GRM7: variants seen among roughly 807,000 people sequenced by gnomAD.
The protein encoded by GRM7 is glutamate metabotropic receptor 7.
GRM7 carries 35 observed loss-of-function variants against 84.5 expected under a neutral mutation model. The observed-to-expected ratio is 0.41, with a 90% confidence interval of 0.32 to 0.55. GRM7 has a LOEUF of 0.55. Ranked by LOEUF, GRM7 falls within the 20% of genes least tolerant of loss-of-function variation. GRM7 has a pLI of 0.19. For synonymous variants in GRM7, 487 were observed against 455.1 expected, an observed-to-expected ratio of 1.07 and a Z score of -0.89; for missense variants, 1,003 against 1,194.6, an observed-to-expected ratio of 0.84 and a Z score of 2.36.
At chr3:6,909,630 G>A (rs563257204) in intron 1 of GRM7, among the ~76,000 whole-genome samples, 5 of 152,086 alleles carry the variant, frequency 3.3e-5, no homozygotes, top group Non-Finnish European at 7.4e-5. Context: ...ATATAAAAAA[G>A]AAATGATTTA....
chr3:7,362,992 C>T (rs1369894321), intron 4 of GRM7, among the ~76,000 whole-genome samples: 2 of 152,122 alleles, frequency 1.3e-5, no homozygotes, highest in South Asian at 4.1e-4. Flanking sequence ...CATGGTGGTA[C>T]ATGCCTGTAG....
intron 9 of GRM7, among the ~76,000 whole-genome samples, chr3:7,710,282 T>C (rs1559500465): frequency 6.6e-6 from 1 of 152,202 alleles, no homozygotes; most frequent in African/African-American, 2.4e-5. Context: ...GCAAAAGATC[T>C]GAAGCTATTT....
intron 1 of GRM7, among the ~76,000 whole-genome samples, chr3:6,952,034 AT>A (rs1376778630): frequency 1.3e-5 from 2 of 151,866 alleles, no homozygotes; most frequent in African/African-American, 2.4e-5. Flanking sequence ...ACTGGTGATT[AT>A]TGATATTGTA....
chr3:7,630,849 T>C (rs536846801), intron 8 of GRM7, among the ~76,000 whole-genome samples: 1 of 152,232 alleles, frequency 6.6e-6, no homozygotes, highest in African/African-American at 2.4e-5. Flanking sequence ...GGATGTTACA[T>C]AGTTTAAATT....
intron 4 of GRM7, among the ~76,000 whole-genome samples, chr3:7,362,064 A>G (rs1189782051): frequency 3.3e-5 from 5 of 152,126 alleles, no homozygotes; most frequent in South Asian, 4.1e-4. Context: ...CAGCCTTGTC[A>G]GTACTATTGT....
At chr3:6,872,970 A>G (rs572765169) in intron 1 of GRM7, among the ~76,000 whole-genome samples, 7 of 152,304 alleles carry the variant, frequency 4.6e-5, no homozygotes, top group Non-Finnish European at 4.4e-5. Flanking sequence ...TCCTCTGGGT[A>G]TATACCCAGT....
chr3:7,381,700 T>A lies in GRM7; in HGVS notation c.1034-33323T>A, dbSNP rs1174804602. Among the ~76,000 whole-genome samples the A allele has an allele frequency of 3.9e-5, 6 of 152,202 alleles. No individual in the cohort carries two copies. The East Asian group carries it at 1.2e-3, about 29-fold the overall frequency. On this transcript the variant is annotated intron_variant, in intron 4 of 9. Coordinates refer to ENST00000357716, the MANE Select transcript of GRM7 (RefSeq NM_000844.4). ...CTACACTATTGGTTTGTTGTGAACATTAAATGTGATAATGTAAATAACGTG... is the reference window on the plus strand; with the variant it reads ...CTACACTATTGGTTTGTTGTGAACAATAAATGTGATAATGTAAATAACGTG...
chr3:7,234,315 T>C (rs768282210), intron 2 of GRM7, among the ~76,000 whole-genome samples: 12 of 152,198 alleles, frequency 7.9e-5, no homozygotes, highest in South Asian at 2.1e-4. Context: ...TAAAGGAAGA[T>C]AGTGATTAAT....
intron 4 of GRM7, among the ~76,000 whole-genome samples, chr3:7,370,268 TA>T (rs1694076951): frequency 6.6e-6 from 1 of 152,150 alleles, no homozygotes; most frequent in Non-Finnish European, 1.5e-5. Flanking sequence ...CCATCAGTAT[TA>T]AGTGTTGATG....
At chr3:7,190,803 G>C (rs1471188377) in intron 2 of GRM7, among the ~76,000 whole-genome samples, 1 of 152,058 alleles carries the variant, frequency 6.6e-6, no homozygotes, top group Non-Finnish European at 1.5e-5. Flanking sequence ...TTGTTAGACA[G>C]GGAGAACAGC....
chr3:7,313,255 G>T (rs1700470963), intron 4 of GRM7, among the ~76,000 whole-genome samples: 1 of 152,072 alleles, frequency 6.6e-6, no homozygotes, highest in Non-Finnish European at 1.5e-5. Context: ...ATGTTATCAT[G>T]TGAGGACAGG....
intron 8 of GRM7, among the ~76,000 whole-genome samples, chr3:7,606,554 C>G (rs1347497767): frequency 6.6e-6 from 1 of 152,026 alleles, no homozygotes; most frequent in Non-Finnish European, 1.5e-5. Context: ...TTTGGGGGGA[C>G]AAGGTCTCTC....
intron 2 of GRM7, among the ~76,000 whole-genome samples, chr3:7,170,541 A>T (rs1033316818): frequency 1.3e-5 from 2 of 152,146 alleles, no homozygotes; most frequent in Admixed American, 1.3e-4. Flanking sequence ...TTTTGAAGCA[A>T]ATTGTCATAT....
chr3:7,617,024 T>C (rs1697117962), intron 8 of GRM7, among the ~76,000 whole-genome samples: 1 of 152,136 alleles, frequency 6.6e-6, no homozygotes, highest in African/African-American at 2.4e-5. Flanking sequence ...CTGTATTGCA[T>C]GGCAAGATAT....
At chr3:7,062,675 T>A (rs142266181) in intron 1 of GRM7, among the ~76,000 whole-genome samples, 155 of 151,880 alleles carry the variant, frequency 1.0e-3, no homozygotes, top group African/African-American at 3.7e-3. Context: ...TTTAGCATAT[T>A]TGTCTAACCC....
chr3:7,201,560 T>A (rs533079668), intron 2 of GRM7, among the ~76,000 whole-genome samples: 2 of 152,314 alleles, frequency 1.3e-5, no homozygotes, highest in African/African-American at 4.8e-5. Flanking sequence ...CTGATAGTAA[T>A]GGCCATTGCT....
intron 8 of GRM7, chr3:7,608,095 G>GC: frequency 3.3e-6 from 1 of 300,850 alleles, no homozygotes; most frequent in Non-Finnish European, 7.0e-6. Context: ...GTATTCCATG[G>GC]TGTGTATGTA....
In GRM7 at chr3:7,264,560, G is replaced by T. The variant is rs62234919; in HGVS notation, c.737-34124G>T. Among the ~76,000 whole-genome samples the T allele has an allele frequency of 2.0e-5, 3 of 152,288 alleles. No individual in the cohort carries two copies. The South Asian group carries it at 6.2e-4, about 32-fold the overall frequency. ...TACATGGTAGCCCCATGCAGGAGTT[G>T]CCAGCTTCTTCCCCTTCAGCCCAGC... On this transcript the variant is annotated intron_variant, in intron 2 of 9. Coordinates refer to ENST00000357716, the MANE Select transcript of GRM7 (RefSeq NM_000844.4).
At chr3:7,015,870 C>A (rs1695546628) in intron 1 of GRM7, among the ~76,000 whole-genome samples, 4 of 152,178 alleles carry the variant, frequency 2.6e-5, no homozygotes, top group Admixed American at 2.6e-4. Context: ...TCTCAGAAGT[C>A]ATGCATGTTA....
Sources: gnomAD v4.1 joint callset for allele counts (sites outside exome capture counted in the v4.1 genomes callset) on GRCh38, gnomAD v4.1.1 for gene constraint, MANE v1.5 for transcripts, NCBI Gene and HGNC (gene_info 2026-07-23, HGNC 2026-07-21) for gene names.